TMCC1: variants seen among roughly 807,000 people sequenced by gnomAD.
TMCC1 encodes the protein transmembrane and coiled-coil domain family 1, also known as transmembrane and coiled-coil domains protein 1.
In TMCC1, 15 loss-of-function variants were observed where a neutral mutation model predicts 52.4. The observed-to-expected ratio is 0.29, with a 90% CI of 0.19 to 0.44. The LOEUF (loss-of-function observed/expected upper bound fraction) is 0.44. Among genes scored for constraint, TMCC1 ranks in the 20% least tolerant of loss-of-function variants. The probability of loss-of-function intolerance (pLI) is 1.00; values close to 1 mark genes in which losing one functional copy is unlikely to be tolerated. For synonymous variants in TMCC1, 279 were observed against 301.9 expected (o/e 0.92, Z 0.79); for missense variants, 503 against 806.0 (o/e 0.62, Z 4.55).
intron 4 of TMCC1, among the ~76,000 whole-genome samples, chr3:129,773,201 C>T (rs948953612): frequency 2.0e-5 from 3 of 152,168 alleles, no homozygotes; most frequent in Non-Finnish European, 4.4e-5. Context: ...ATAAGGATTA[C>T]TTCTCTATGT....
At chr3:129,746,530 T>G (rs2051990794) in intron 4 of TMCC1, among the ~76,000 whole-genome samples, 1 of 152,114 alleles carries the variant, frequency 6.6e-6, no homozygotes, top group Admixed American at 6.6e-5. Context: ...GGTTCTAAAT[T>G]TGATCCTGCA....
chr3:129,693,587 T>G (rs558609284), intron 4 of TMCC1, among the ~76,000 whole-genome samples: 18 of 149,278 alleles, frequency 1.2e-4, no homozygotes, highest in Admixed American at 1.0e-3. Flanking sequence ...CGGGCTCAAG[T>G]GATCCTCCCA....
At chr3:129,790,604 A>T (rs1459652937) in intron 4 of TMCC1, among the ~76,000 whole-genome samples, 2 of 152,188 alleles carry the variant, frequency 1.3e-5, no homozygotes, top group South Asian at 2.1e-4. Context: ...GCTACCCATA[A>T]AAGATTTTGG....
At chr3:129,666,988 ACCTCTCAGATTCAAGCAATTCT>A (rs1478587783) in intron 5 of TMCC1, among the ~76,000 whole-genome samples, 1 of 151,302 alleles carries the variant, frequency 6.6e-6, no homozygotes, top group African/African-American at 2.4e-5. Flanking sequence ...TGCAACCTCC[ACCTCTCAGATTCAAGCAATTCT>A]CCTGCCTCAG....
intron 4 of TMCC1, among the ~76,000 whole-genome samples, chr3:129,714,080 TACAGTTCTTCA>T (rs1399187711): frequency 1.3e-5 from 2 of 152,206 alleles, no homozygotes; most frequent in Non-Finnish European, 2.9e-5. Context: ...CAATATGGGA[TACAGTTCTTCA>T]ATAAGGAAGA....
intron 2 of TMCC1, among the ~76,000 whole-genome samples, chr3:129,852,885 C>T (rs1452988923): frequency 2.6e-5 from 4 of 152,090 alleles, no homozygotes; most frequent in African/African-American, 9.7e-5. Context: ...TTGGTCTTAA[C>T]ATTTTATAAA....
intron 4 of TMCC1, among the ~76,000 whole-genome samples, chr3:129,813,776 A>G (rs2057956554): frequency 6.6e-6 from 1 of 151,888 alleles, no homozygotes; most frequent in African/African-American, 2.4e-5. Context: ...AAACCTACCC[A>G]TGCACTCCTG....
chr3:129,832,522 C>T (rs915753448), intron 3 of TMCC1, among the ~76,000 whole-genome samples: 1 of 152,150 alleles, frequency 6.6e-6, no homozygotes, highest in Admixed American at 6.5e-5. Flanking sequence ...CATTAGCTCA[C>T]ACTCAGAAAA....
chr3:129,688,694 G>A (rs2089591385), intron 4 of TMCC1: 2 of 985,370 alleles, frequency 2.0e-6, no homozygotes, highest in Admixed American at 1.2e-4. Flanking sequence ...ATCCGTGTGT[G>A]TGCGCGCGCA....
intron 2 of TMCC1, among the ~76,000 whole-genome samples, chr3:129,845,449 A>C (rs1228348416): frequency 6.6e-6 from 1 of 152,176 alleles, no homozygotes; most frequent in Non-Finnish European, 1.5e-5. Context: ...CCATGAGTAT[A>C]CTTATCTCAA....
chr3:129,680,639 G>A (rs1560176231), intron 4 of TMCC1, among the ~76,000 whole-genome samples: 2 of 152,152 alleles, frequency 1.3e-5, no homozygotes, highest in African/African-American at 2.4e-5. Context: ...GGTGGCTCAC[G>A]CCTCTAATCC....
intron 2 of TMCC1, among the ~76,000 whole-genome samples, chr3:129,838,800 T>C (rs2059290121): frequency 6.7e-6 from 1 of 149,712 alleles, no homozygotes; most frequent in Non-Finnish European, 1.5e-5. Flanking sequence ...GCATATCATA[T>C]TCAAACTGCT....
intron 4 of TMCC1, among the ~76,000 whole-genome samples, chr3:129,791,356 G>A (rs994174019): frequency 6.6e-5 from 10 of 152,074 alleles, no homozygotes; most frequent in African/African-American, 2.4e-4. Context: ...GCCTCCCAAA[G>A]TGCTGGGATT....
chr3:129,806,118 T>C (rs1429322796), intron 4 of TMCC1, among the ~76,000 whole-genome samples: 1 of 152,136 alleles, frequency 6.6e-6, no homozygotes, highest in Non-Finnish European at 1.5e-5. Flanking sequence ...AAGAAGAGTT[T>C]AGTGGGCAAG....
chr3:129,887,952 A>G (rs1263139930), intron 1 of TMCC1, among the ~76,000 whole-genome samples: 1 of 152,260 alleles, frequency 6.6e-6, no homozygotes, highest in Non-Finnish European at 1.5e-5. Context: ...GACAAAATCT[A>G]AATCTATCAC....
chr3:129,841,123 G>C (rs2059405932), intron 2 of TMCC1, among the ~76,000 whole-genome samples: 1 of 152,172 alleles, frequency 6.6e-6, no homozygotes, highest in African/African-American at 2.4e-5. Flanking sequence ...AACTTATTGT[G>C]AACTGGAGCA....
At chr3:129,692,726 A>G (rs1410944138) in intron 4 of TMCC1, among the ~76,000 whole-genome samples, 1 of 152,240 alleles carries the variant, frequency 6.6e-6, no homozygotes, top group Non-Finnish European at 1.5e-5. Context: ...CACTAGGAAC[A>G]ATAGTAACAG....
chr3:129,661,339 T>A (rs1401862048), intron 5 of TMCC1, among the ~76,000 whole-genome samples: 2 of 150,794 alleles, frequency 1.3e-5, no homozygotes, highest in East Asian at 4.0e-4. Context: ...GGTGGGAGGA[T>A]CACTTGAGCC....
chr3:129,805,009 A>C (rs565399128), intron 4 of TMCC1, among the ~76,000 whole-genome samples: 1 of 152,292 alleles, frequency 6.6e-6, no homozygotes, highest in East Asian at 1.9e-4. Context: ...AAACTGCTCC[A>C]GTATTGGCAA....
Sources: allele counts gnomAD v4.1 joint callset (sites outside exome capture counted in the v4.1 genomes callset), GRCh38; gene constraint gnomAD v4.1.1; transcripts MANE v1.5; gene names NCBI Gene and HGNC (gene_info 2026-07-23, HGNC 2026-07-21).